Variants in C3orf33 observed in about 807,000 individuals in gnomAD.
C3orf33 encodes mitochondrial inner membrane subdomain organizer 1.
A neutral mutation model predicts 28.7 loss-of-function variants in C3orf33; 23 were observed. That is an observed-to-expected ratio of 0.80 (90% CI 0.58 to 1.13). The LOEUF is 1.13. Among genes scored for constraint, C3orf33 ranks in the 50% most tolerant of loss-of-function variants. C3orf33 has a pLI of 0.00. For missense variants in C3orf33, 327 were observed against 353.4 expected (o/e 0.93, Z 0.60); for synonymous variants, 119 against 120.5 (o/e 0.99, Z 0.08).
chr3:155,772,654 T>C (rs564541611), intron 3 of C3orf33, among the ~76,000 whole-genome samples: 15 of 151,978 alleles, frequency 9.9e-5, no homozygotes, highest in Non-Finnish European at 2.2e-4. Context: ...ATGACTACCG[T>C]AGGCATGTGC....
chr3:155,777,392 T>A lies in C3orf33; in HGVS notation c.175-1544A>T, dbSNP rs756918346. On this transcript the variant is annotated intron_variant, in intron 2 of 4. Coordinates refer to ENST00000340171, the MANE Select transcript of C3orf33 (RefSeq NM_001308229.2). ...TGGGTATTAGATGATTCTAAGAGAT[T>A]ATTGTTAATTTTATTAGCTGTGATA... is the stretch of plus-strand genomic sequence containing the variant. 7.0e-4 allele frequency among the ~76,000 whole-genome samples: 106 copies of A among 152,242 alleles called. 1 individual carries two copies. The highest frequency in any genetic ancestry group is 1.3e-3 in the Non-Finnish European group (87 of 68,010).
chr3:155,797,729 C>T (rs1447679973), intron 2 of C3orf33, among the ~76,000 whole-genome samples: 1 of 152,050 alleles, frequency 6.6e-6, no homozygotes, highest in East Asian at 1.9e-4. Context: ...AAATTAAATA[C>T]CTAGGAATTA....
rs34514421 is a variant in C3orf33 at position 155,775,488 on chromosome 3, CA to C, written c.322+212del. The stretch of plus-strand genomic sequence containing the variant: ...TGGCAACAAAAGTGAAACTCTGTCT[CA>C]AAAAAAAAAAAAAGGAACGAAAGAA... On this transcript the variant is annotated intron_variant, in intron 3 of 4. Transcript: ENST00000340171. Among the ~76,000 whole-genome samples, 184 of 122,236 alleles carry C rather than the reference CA, an allele frequency of 1.5e-3. 1 individual carries two copies. Among genetic ancestry groups the C allele is most frequent in the Non-Finnish European group, 1.7e-3 (93 of 56,144 alleles). The allele number at this position is 122,236 out of a possible 152,430, so 80.2% of individuals were successfully genotyped here.
chr3:155,801,535 C>T (rs1157399089), intron 2 of C3orf33, among the ~76,000 whole-genome samples: 1 of 152,052 alleles, frequency 6.6e-6, no homozygotes, highest in Non-Finnish European at 1.5e-5. Context: ...GGAATATTGT[C>T]AGTCTTAAAA....
intron 3 of C3orf33, among the ~76,000 whole-genome samples, chr3:155,769,501 A>G (rs358732): frequency 0.088 from 13,063 of 148,710 alleles, 1,031 homozygotes; most frequent in East Asian, 0.36. Context: ...AAAAAAAAAA[A>G]AAGAAGAAGA....
intron 3 of C3orf33, among the ~76,000 whole-genome samples, chr3:155,774,779 C>T (rs114090560): frequency 0.023 from 3,466 of 150,720 alleles, 45 homozygotes; most frequent in Middle Eastern, 0.076. Context: ...AGATTGGATA[C>T]CCCTGTCTTA....
intron 2 of C3orf33, among the ~76,000 whole-genome samples, chr3:155,779,666 C>A (rs1750859684): frequency 6.6e-6 from 1 of 152,080 alleles, no homozygotes; most frequent in African/African-American, 2.4e-5. Context: ...AAAAAATAGG[C>A]ACCTGGAAAC....
chr3:155,783,240 C>T (rs555173553), intron 2 of C3orf33, among the ~76,000 whole-genome samples: 2 of 150,914 alleles, frequency 1.3e-5, no homozygotes, highest in East Asian at 2.0e-4. Flanking sequence ...CTGCAACCTC[C>T]GTCTCCTGGG....
intron 2 of C3orf33, among the ~76,000 whole-genome samples, chr3:155,794,822 A>G (rs1751430269): frequency 6.6e-6 from 1 of 152,224 alleles, no homozygotes; most frequent in African/African-American, 2.4e-5. Context: ...GAAGGTCATT[A>G]TATAATGATA....
chr3:155,796,446 T>C (rs1476522175), intron 2 of C3orf33, among the ~76,000 whole-genome samples: 2 of 152,122 alleles, frequency 1.3e-5, no homozygotes, highest in Non-Finnish European at 2.9e-5. Context: ...TATTGTAACA[T>C]GAAGAAATCC....
chr3:155,774,246 A>G (rs1393831993), intron 3 of C3orf33, among the ~76,000 whole-genome samples: 1 of 152,232 alleles, frequency 6.6e-6, no homozygotes, highest in Non-Finnish European at 1.5e-5. Context: ...AAGGAATATA[A>G]ACCTAAATAC....
Position 155,767,656 on chromosome 3 carries a change from A to C in C3orf33, c.336T>G (p.Gly112=). Residue 112 remains glycine (G), a synonymous_variant, in exon 4 of 5, where the codon GGT becomes GGG. Transcript: ENST00000340171. ...CTCCAGCCAACTTAACCAGCAAAGC[A>C]CCACGTGGCTCTTCTAAAAAGGTTA... ...IIASLRKEPR[G]ALLVKLAGVE... 1.3e-6 allele frequency: 2 copies of C among 1,561,764 alleles called. No homozygotes were observed. Among genetic ancestry groups the C allele is most frequent in the Admixed American group, 1.8e-5 (1 of 55,286 alleles).
chr3:155,791,746 T>C (rs1751321684), intron 2 of C3orf33, among the ~76,000 whole-genome samples: 1 of 150,748 alleles, frequency 6.6e-6, no homozygotes, highest in Non-Finnish European at 1.5e-5. Context: ...CTTCTGCTTG[T>C]GGAAAGGGGA....
At chr3:155,783,334 TA>T (rs1256387513) in intron 2 of C3orf33, among the ~76,000 whole-genome samples, 5 of 152,128 alleles carry the variant, frequency 3.3e-5, no homozygotes, top group Non-Finnish European at 7.4e-5. Context: ...TTTGTATTTT[TA>T]GTAGAGACAC....
intron 2 of C3orf33, among the ~76,000 whole-genome samples, chr3:155,776,270 C>A (rs1390196114): frequency 6.6e-6 from 1 of 152,082 alleles, no homozygotes; most frequent in South Asian, 2.1e-4. Flanking sequence ...TAAGTTAGAA[C>A]CTTAACCAAC....
In C3orf33 at chr3:155,775,835, G is replaced by C. The variant is rs1049848900; in HGVS notation, c.188C>G (p.Thr63Arg). 3 of 1,589,020 alleles carry C rather than the reference G, an allele frequency of 1.9e-6. No individual in the cohort carries two copies. The highest frequency in any genetic ancestry group is 1.3e-5 in the African/African-American group (1 of 74,158). Residue 63 changes from threonine (T) to arginine (R), a missense_variant, in exon 3 of 5, where the codon ACA (threonine) becomes AGA (arginine). By Grantham distance (71) the Thr-to-Arg change is moderately conservative. Transcript: ENST00000340171. ...TTCTACTGGAATATCCGAAGAGCTT[G>C]TAAATTTTGATGTCTATTGATTTAC... ...LRSIRLTSKFTSSSDIPVEFI... is the reference protein window; with the variant it reads ...LRSIRLTSKFRSSSDIPVEFI...
intron 2 of C3orf33, among the ~76,000 whole-genome samples, chr3:155,791,753 G>A (rs1175276144): frequency 6.6e-6 from 1 of 151,768 alleles, no homozygotes; most frequent in African/African-American, 2.4e-5. Flanking sequence ...TTGTGGAAAG[G>A]GGAGGGAAGA....
At chr3:155,797,585 A>G (rs1751516644) in intron 2 of C3orf33, among the ~76,000 whole-genome samples, 1 of 152,256 alleles carries the variant, frequency 6.6e-6, no homozygotes, top group African/African-American at 2.4e-5. Context: ...GACTATTGGA[A>G]CTGATAAATA....
At chr3:155,793,828 C>CA (rs1559998519) in intron 2 of C3orf33, among the ~76,000 whole-genome samples, 3 of 96,976 alleles carry the variant, frequency 3.1e-5, no homozygotes, top group Non-Finnish European at 6.1e-5. Flanking sequence ...AAAAAAAAAA[C>CA]TAAAAAAACT....
Sources: gnomAD v4.1 joint callset for allele counts (sites outside exome capture counted in the v4.1 genomes callset) on GRCh38, gnomAD v4.1.1 for gene constraint, MANE v1.5 for transcripts, NCBI Gene and HGNC (gene_info 2026-07-23, HGNC 2026-07-21) for gene names.